VRK1: variants seen among roughly 807,000 people sequenced by gnomAD.
VRK1 encodes the protein serine/threonine-protein kinase VRK1.
Under a neutral mutation model 57.1 loss-of-function variants are expected in VRK1, and 33 were observed. The observed-to-expected ratio is 0.58, with a 90% CI of 0.44 to 0.77. VRK1 has a LOEUF of 0.77. Ranked by LOEUF, VRK1 falls within the 30% of genes least tolerant of loss-of-function variation. VRK1 has a pLI of 0.00. For synonymous variants in VRK1, 137 were observed against 147.8 expected (o/e 0.93, Z 0.53); for missense variants, 413 against 477.3 (o/e 0.87, Z 1.25).
At position 96,847,278 on chromosome 14, in the gene VRK1, G is replaced by A. The variant is rs779386449; in HGVS notation, c.308G>A (p.Arg103His). The A allele has an allele frequency of 2.0e-5, 32 of 1,613,490 alleles. No homozygotes were observed. The East Asian group carries it at 4.0e-4, about 20-fold the overall frequency. ...PEQIQKWIRT[R>H]KLKYLGVPKY... ...GTAGTTCAGAAATGGATTCGTACCC[G>A]TAAGCTGAAGTACCTGGGTGTTCCT... The change falls in exon 5 of 13, where the codon CGT becomes CAT. Residue 103 changes from arginine (R) to histidine (H), a missense_variant. Around this residue, in one of 3 missense-constraint regions of VRK1, gnomAD observed 151 missense variants for 225.5 expected, o/e 0.67. Coordinates refer to ENST00000216639, the MANE Select transcript of VRK1 (RefSeq NM_003384.3).
At chr14:96,853,409 A>G (rs1223056798) in intron 7 of VRK1, among the ~76,000 whole-genome samples, 4 of 152,130 alleles carry the variant, frequency 2.6e-5, no homozygotes, top group Admixed American at 6.5e-5. Context: ...ATACAAAATG[A>G]ATTTCAAATA....
intron 1 of VRK1, among the ~76,000 whole-genome samples, chr14:96,823,502 G>A (rs1595652633): frequency 6.6e-6 from 1 of 152,306 alleles, no homozygotes; most frequent in East Asian, 1.9e-4. Flanking sequence ...TTTTCCAGTT[G>A]TGTGTGTATG....
intron 1 of VRK1, among the ~76,000 whole-genome samples, chr14:96,803,845 G>T (rs1885765248): frequency 6.6e-6 from 1 of 152,060 alleles, no homozygotes; most frequent in South Asian, 2.1e-4. Context: ...TGATTTGTCT[G>T]TTCAAGTCTT....
chr14:96,843,746 T>C (rs1198075369), intron 3 of VRK1, among the ~76,000 whole-genome samples: 1 of 152,222 alleles, frequency 6.6e-6, no homozygotes, highest in Admixed American at 6.5e-5. Flanking sequence ...ATTTTAGTTA[T>C]GAGTTAAGGT....
At chr14:96,828,197 A>G (rs1255707762) in intron 1 of VRK1, among the ~76,000 whole-genome samples, 2 of 152,200 alleles carry the variant, frequency 1.3e-5, no homozygotes, top group Non-Finnish European at 1.5e-5. Flanking sequence ...GCTGTTGTGA[A>G]TAAAGCTGTT....
At chr14:96,848,610 T>G (rs1887810605) in intron 5 of VRK1, among the ~76,000 whole-genome samples, 1 of 152,198 alleles carries the variant, frequency 6.6e-6, no homozygotes, top group Non-Finnish European at 1.5e-5. Context: ...AAATATATTA[T>G]AGTTTTTATA....
intron 11 of VRK1, 161 bp downstream of exon 11, chr14:96,860,896 G>T: frequency 1.6e-6 from 1 of 609,026 alleles, no homozygotes; most frequent in Non-Finnish European, 2.7e-6. Flanking sequence ...GAGGGTTGTA[G>T]AAAAATAAAT....
intron 11 of VRK1, among the ~76,000 whole-genome samples, chr14:96,865,364 A>T (rs938443737): frequency 6.6e-6 from 1 of 152,158 alleles, no homozygotes; most frequent in Non-Finnish European, 1.5e-5. Context: ...CTCTTTCTAG[A>T]TACCCTATTC....
At chr14:96,865,808 T>C (rs1888564930) in intron 11 of VRK1, among the ~76,000 whole-genome samples, 1 of 152,016 alleles carries the variant, frequency 6.6e-6, no homozygotes, top group Non-Finnish European at 1.5e-5. Context: ...CTTTCCTTTA[T>C]GTCATCTGAT....
intron 11 of VRK1, among the ~76,000 whole-genome samples, chr14:96,863,641 A>G (rs1888472299): frequency 6.6e-6 from 1 of 152,158 alleles, no homozygotes; most frequent in Non-Finnish European, 1.5e-5. Flanking sequence ...TCATTTTCAG[A>G]CAGCCTATAT....
At chr14:96,825,156 A>T (rs1886752796) in intron 1 of VRK1, among the ~76,000 whole-genome samples, 1 of 152,232 alleles carries the variant, frequency 6.6e-6, no homozygotes, top group East Asian at 1.9e-4. Flanking sequence ...TCAATGTGAT[A>T]GGAGAGAAGG....
chr14:96,839,451 T>A (rs1325772261), intron 3 of VRK1, among the ~76,000 whole-genome samples: 1 of 152,072 alleles, frequency 6.6e-6, no homozygotes, highest in Non-Finnish European at 1.5e-5. Context: ...TGTGCCCTTG[T>A]ACACATTGGC....
intron 1 of VRK1, among the ~76,000 whole-genome samples, chr14:96,832,588 G>C (rs80224112): frequency 1.3e-5 from 2 of 152,014 alleles, no homozygotes; most frequent in Non-Finnish European, 2.9e-5. Flanking sequence ...TGTCATACCT[G>C]CAATCCAGGT....
intron 11 of VRK1, among the ~76,000 whole-genome samples, 166 bp from the exon 12 acceptor site, chr14:96,875,859 ATCCAT>A (rs2139845428): frequency 6.6e-6 from 1 of 152,212 alleles, no homozygotes; most frequent in South Asian, 2.1e-4. Context: ...TCCATCCCTC[ATCCAT>A]TCCTTTAGGT....
intron 2 of VRK1, among the ~76,000 whole-genome samples, chr14:96,837,330 G>C (rs934644213): frequency 3.3e-5 from 5 of 152,132 alleles, no homozygotes; most frequent in Admixed American, 2.6e-4. Context: ...CTAAACTAGT[G>C]CTTTTTAGAA....
rs1887095726 is a variant in VRK1, at chr14:96,833,536, A to G, written c.65A>G (p.Gln22Arg). The change falls in exon 2 of 13, where the codon CAA becomes CGA. Residue 22 changes from glutamine to arginine, a missense_variant. This residue lies in a region of VRK1 where 116 missense variants were observed against 113.6 expected (regional missense o/e 1.02). Transcript: ENST00000216639. ...TCTGCAAAGAGACATCTTGCAGAACAATTTGCAGTTGGAGAGATAATAACT... is the reference window on the plus strand; with the variant it reads ...TCTGCAAAGAGACATCTTGCAGAACGATTTGCAGTTGGAGAGATAATAACT... ...QSSAKRHLAEQFAVGEIITDM... is the reference protein window; with the variant it reads ...QSSAKRHLAERFAVGEIITDM... 2 of 1,613,736 alleles carry G rather than the reference A, an allele frequency of 1.2e-6. No homozygotes were observed. Among genetic ancestry groups the G allele is most frequent in the Admixed American group, 3.3e-5 (2 of 59,990 alleles).
At chr14:96,816,496 A>G (rs1886400693) in intron 1 of VRK1, among the ~76,000 whole-genome samples, 1 of 152,026 alleles carries the variant, frequency 6.6e-6, no homozygotes, top group African/African-American at 2.4e-5. Flanking sequence ...CCTCCCCCAA[A>G]TTACTAAACT....
intron 1 of VRK1, among the ~76,000 whole-genome samples, chr14:96,832,434 CGA>C (rs1566695802): frequency 6.6e-6 from 1 of 151,988 alleles, no homozygotes; most frequent in Non-Finnish European, 1.5e-5. Flanking sequence ...TTTATAGAAC[CGA>C]GAGTTTGAAA....
intron 3 of VRK1, among the ~76,000 whole-genome samples, chr14:96,840,393 G>A (rs1011848527): frequency 1.3e-5 from 2 of 152,168 alleles, no homozygotes; most frequent in African/African-American, 4.8e-5. Context: ...GAAGCAAAGC[G>A]ATGCCTTTCA....
Sources: allele counts gnomAD v4.1 joint callset (sites outside exome capture counted in the v4.1 genomes callset), GRCh38; gene constraint gnomAD v4.1.1; regional missense constraint gnomAD v4.1.1; transcripts MANE v1.5; gene names NCBI Gene and HGNC (gene_info 2026-07-23, HGNC 2026-07-21).